Variants in TXNRD2 observed in about 807,000 individuals in gnomAD.
TXNRD2 encodes thioredoxin reductase 2, mitochondrial.
Under a neutral mutation model 70.8 loss-of-function variants are expected in TXNRD2, and 67 were observed. The observed-to-expected ratio is 0.95, with a 90% CI of 0.78 to 1.16. The LOEUF is 1.16. TXNRD2 is among the 50% of genes most tolerant of loss of function. The pLI is 0.00. For synonymous variants in TXNRD2, 301 were observed against 295.8 expected (o/e 1.02, Z -0.18); for missense variants, 644 against 719.9 (o/e 0.89, Z 1.21).
intron 8 of TXNRD2, among the ~76,000 whole-genome samples, chr22:19,908,930 C>T (rs12628105): frequency 1.3e-5 from 2 of 152,040 alleles, no homozygotes; most frequent in Admixed American, 6.6e-5. Context: ...GTGGGCTGGG[C>T]GTGGTGGCTC....
intron 11 of TXNRD2, among the ~76,000 whole-genome samples, chr22:19,890,242 C>T (rs1373632590): frequency 6.6e-6 from 1 of 152,184 alleles, no homozygotes; most frequent in Non-Finnish European, 1.5e-5. Flanking sequence ...AGCCACCGCT[C>T]ATAGGAAGAG....
chr22:19,911,595 C>T (rs1940414635), intron 7 of TXNRD2, 148 bp from the exon 8 acceptor site: 11 of 716,042 alleles, frequency 1.5e-5, no homozygotes, highest in South Asian at 1.5e-4. Context: ...TCCTTGTCTG[C>T]AGGCTGTGGC....
At chr22:19,940,224 G>A (rs552722850) in intron 1 of TXNRD2, among the ~76,000 whole-genome samples, 22 of 112,372 alleles carry the variant, frequency 2.0e-4, no homozygotes, top group African/African-American at 4.6e-4. Flanking sequence ...CAGCTTGGGC[G>A]ACAGAGCAAG....
intron 11 of TXNRD2, among the ~76,000 whole-genome samples, chr22:19,892,760 C>T (rs1569078713): frequency 6.6e-6 from 1 of 152,078 alleles, no homozygotes; most frequent in Non-Finnish European, 1.5e-5. Context: ...AAACTCGCCA[C>T]CTCCCCTTTA....
intron 11 of TXNRD2, among the ~76,000 whole-genome samples, chr22:19,890,644 T>A (rs1939224856): frequency 6.6e-6 from 1 of 152,116 alleles, no homozygotes; most frequent in Admixed American, 6.5e-5. Context: ...ACAGAGGGCA[T>A]CCAGGAGGAG....
At chr22:19,895,112 G>A (rs1218532314) in intron 11 of TXNRD2, 1 of 1,598,284 alleles carries the variant, frequency 6.3e-7, no homozygotes, top group East Asian at 2.2e-5. Context: ...TCCTCGATGA[G>A]GACACCTGGC....
At chr22:19,941,554 G>A in intron 1 of TXNRD2, 147 bp downstream of exon 1, 1 of 1,275,710 alleles carries the variant, frequency 7.8e-7, no homozygotes, top group Non-Finnish European at 1.0e-6. Context: ...GGACTCCTGA[G>A]CAAGACTAGA....
At chr22:19,906,537 G>A (rs926497123) in intron 8 of TXNRD2, among the ~76,000 whole-genome samples, 2 of 152,040 alleles carry the variant, frequency 1.3e-5, no homozygotes, top group African/African-American at 4.8e-5. Context: ...CAGGAGAATT[G>A]CTTGAATCCA....
chr22:19,918,139 G>A lies in TXNRD2; in HGVS notation c.449+4C>T, dbSNP rs755751835. 3.8e-5 allele frequency: 61 copies of A among 1,613,836 alleles called. No homozygotes were observed. Among genetic ancestry groups the A allele is most frequent in the Non-Finnish European group, 4.7e-5 (55 of 1,179,912 alleles). Reference sequence around the variant, plus strand: ...CGGCCCATTCCCGGAGAGAGCTTCAGTACCTGTCCTGAAGCTGGACACGGT... The same window carrying A: ...CGGCCCATTCCCGGAGAGAGCTTCAATACCTGTCCTGAAGCTGGACACGGT... On this transcript the variant is annotated splice_donor_region_variant and intron_variant, in intron 5 of 17. Transcript: ENST00000400521.
chr22:19,908,750 A>G (rs904805292), intron 8 of TXNRD2, among the ~76,000 whole-genome samples: 9 of 152,254 alleles, frequency 5.9e-5, no homozygotes, highest in African/African-American at 1.9e-4. Flanking sequence ...AGATGAATGG[A>G]TAAACAAAAT....
chr22:19,894,205 C>A (rs936776661), intron 11 of TXNRD2: 70 of 152,326 alleles, frequency 4.6e-4, no homozygotes, highest in African/African-American at 1.5e-3. Flanking sequence ...ACATGAAGTC[C>A]CTCGAGGAGT....
chr22:19,896,939 C>T (rs898250942), intron 10 of TXNRD2, among the ~76,000 whole-genome samples: 1 of 152,172 alleles, frequency 6.6e-6, no homozygotes, highest in Admixed American at 6.5e-5. Flanking sequence ...GGAGCCTGTC[C>T]AGGACACAGG....
At chr22:19,918,736 C>T (rs187565432) in intron 4 of TXNRD2, 124 bp downstream of exon 4, 81 of 1,219,504 alleles carry the variant, frequency 6.6e-5, no homozygotes, top group Admixed American at 3.8e-4. Context: ...CAGAGTCGCC[C>T]CTGGCTGAGA....
intron 11 of TXNRD2, chr22:19,883,821 T>G (rs1333585763): frequency 3.1e-6 from 1 of 326,256 alleles, no homozygotes; most frequent in Non-Finnish European, 6.0e-6. Flanking sequence ...GGCGTAGTGG[T>G]GCACACCTAT....
intron 13 of TXNRD2, 116 bp from the exon 14 acceptor site, chr22:19,880,387 G>T: frequency 8.6e-7 from 1 of 1,167,110 alleles, no homozygotes; most frequent in East Asian, 2.5e-5. Context: ...CCCAGAGCAG[G>T]CTGCAAGCAC....
At chr22:19,903,146 G>A (rs1939853440) in intron 8 of TXNRD2, 2 of 446,848 alleles carry the variant, frequency 4.5e-6, no homozygotes, top group Non-Finnish European at 8.9e-6. Context: ...TGTGTGGGCT[G>A]GTCAGCCCCT....
At chr22:19,898,957 A>T in intron 9 of TXNRD2, 92 bp downstream of exon 9, 1 of 1,527,638 alleles carries the variant, frequency 6.5e-7, no homozygotes, top group Non-Finnish European at 8.9e-7. Flanking sequence ...GAGGCAGCAA[A>T]GAGCCTGCCG....
chr22:19,937,726 C>T (rs529422840), intron 1 of TXNRD2, among the ~76,000 whole-genome samples: 10 of 152,302 alleles, frequency 6.6e-5, no homozygotes, highest in South Asian at 2.1e-4. Flanking sequence ...AACTTAAAAG[C>T]GGCCAAGCCG....
chr22:19,878,452 C>A lies in TXNRD2; in HGVS notation c.1276-15G>T. 1 of 1,612,556 alleles carries A rather than the reference C, an allele frequency of 6.2e-7. No individual in the cohort carries two copies. Among genetic ancestry groups the A allele is most frequent in the Non-Finnish European group, 8.5e-7 (1 of 1,179,216 alleles). On this transcript the variant is annotated splice_polypyrimidine_tract_variant and intron_variant, in intron 14 of 17. Transcript: ENST00000400521. ...GCGTGATAGACCTGAGGACAGGATA[C>A]CAACCCTGGATCAGTGCTGCGACAA...
Sources: gnomAD v4.1 joint callset for allele counts (sites outside exome capture counted in the v4.1 genomes callset) on GRCh38, gnomAD v4.1.1 for gene constraint, MANE v1.5 for transcripts, NCBI Gene and HGNC (gene_info 2026-07-23, HGNC 2026-07-21) for gene names.